Variants in SPATA13 observed in about 807,000 individuals in gnomAD.
SPATA13 encodes spermatogenesis-associated protein 13.
Under a neutral mutation model 104.0 loss-of-function variants are expected in SPATA13, and 50 were observed. The observed-to-expected ratio is 0.48, with a 90% confidence interval of 0.38 to 0.61. The LOEUF is 0.61. SPATA13 is among the 20% of genes least tolerant of loss of function. The pLI, the probability that SPATA13 is intolerant of heterozygous loss-of-function variation, is 0.00. For synonymous variants in SPATA13, 606 were observed against 667.5 expected (o/e 0.91, Z 1.42); for missense variants, 1,524 against 1,690.6 (o/e 0.90, Z 1.73).
chr13:24,217,299 ACTCT>A (rs1284844119), intron 1 of SPATA13, among the ~76,000 whole-genome samples: 1 of 151,962 alleles, frequency 6.6e-6, no homozygotes, highest in South Asian at 2.1e-4. Flanking sequence ...GGTTTTCAGC[ACTCT>A]CTCTCTTTTT....
At chr13:24,192,955 C>T (rs1224646864) in intron 1 of SPATA13, among the ~76,000 whole-genome samples, 3 of 152,264 alleles carry the variant, frequency 2.0e-5, no homozygotes, top group African/African-American at 7.2e-5. Flanking sequence ...CTGCTGTTCT[C>T]AAAACACCAA....
chr13:24,197,836 T>C (rs945911864), intron 1 of SPATA13, among the ~76,000 whole-genome samples: 4 of 152,126 alleles, frequency 2.6e-5, no homozygotes, highest in Non-Finnish European at 4.4e-5. Context: ...TAGACTTCCA[T>C]TGTGTTCCCT....
At chr13:24,041,079 C>A (rs1004507646) in intron 3 of SPATA13, among the ~76,000 whole-genome samples, 4 of 152,290 alleles carry the variant, frequency 2.6e-5, no homozygotes, top group African/African-American at 9.6e-5. Context: ...ACAATGCCTG[C>A]CTGTGCTCTT....
At chr13:24,115,555 C>T (rs1880806358) in intron 3 of SPATA13, among the ~76,000 whole-genome samples, 1 of 152,262 alleles carries the variant, frequency 6.6e-6, no homozygotes, top group South Asian at 2.1e-4. Context: ...GGAACAGTTT[C>T]ATCCCCAAAC....
At chr13:24,188,284 A>G (rs1869286332) in intron 1 of SPATA13, among the ~76,000 whole-genome samples, 1 of 151,970 alleles carries the variant, frequency 6.6e-6, no homozygotes, top group East Asian at 1.9e-4. Flanking sequence ...GTGAGTCGAG[A>G]TCATGTCACT....
At chr13:24,192,943 C>T (rs1462463753) in intron 1 of SPATA13, among the ~76,000 whole-genome samples, 1 of 152,168 alleles carries the variant, frequency 6.6e-6, no homozygotes, top group African/African-American at 2.4e-5. Context: ...TCTTTCCTCC[C>T]CCTGCTGTTC....
chr13:24,047,129 C>T (rs1878179710), intron 3 of SPATA13, among the ~76,000 whole-genome samples: 1 of 152,114 alleles, frequency 6.6e-6, no homozygotes, highest in Non-Finnish European at 1.5e-5. Context: ...GCGGGGTCCA[C>T]AGGACTAGTT....
chr13:24,084,434 C>T (rs1011497593), intron 3 of SPATA13, among the ~76,000 whole-genome samples: 75 of 152,300 alleles, frequency 4.9e-4, no homozygotes, highest in East Asian at 7.7e-4. Context: ...GTGTTCTGGA[C>T]GTGCGAGGTA....
chr13:24,025,257 TTTAAG>T (rs1439291429), intron 3 of SPATA13, among the ~76,000 whole-genome samples: 2 of 152,194 alleles, frequency 1.3e-5, no homozygotes, highest in African/African-American at 4.8e-5. Context: ...TAAATGCTTT[TTTAAG>T]TTAACCATGC....
chr13:24,046,858 ACTG>A (rs532501109), intron 3 of SPATA13, among the ~76,000 whole-genome samples: 80 of 152,114 alleles, frequency 5.3e-4, no homozygotes, highest in Non-Finnish European at 1.0e-3. Flanking sequence ...CTTCTTGACC[ACTG>A]CAGAGATAAA....
intron 3 of SPATA13, chr13:24,123,504 G>A: frequency 6.2e-7 from 1 of 1,609,678 alleles, no homozygotes; most frequent in South Asian, 1.1e-5. Context: ...CATATGCAGG[G>A]CTCCATCTTT....
chr13:24,296,748 A>G (rs181542341), intron 10 of SPATA13, among the ~76,000 whole-genome samples: 2 of 152,172 alleles, frequency 1.3e-5, no homozygotes, highest in East Asian at 1.9e-4. Context: ...CAGAGGCTTC[A>G]GGCTAGGAAG....
At chr13:24,182,346 G>A (rs1476811146) in intron 1 of SPATA13, among the ~76,000 whole-genome samples, 1 of 152,156 alleles carries the variant, frequency 6.6e-6, no homozygotes, top group East Asian at 1.9e-4. Context: ...AAAGAAAAGA[G>A]GTTAAATTGG....
intron 3 of SPATA13, among the ~76,000 whole-genome samples, chr13:24,106,727 C>T (rs1880466964): frequency 1.3e-5 from 2 of 152,170 alleles, no homozygotes; most frequent in Non-Finnish European, 2.9e-5. Flanking sequence ...AGGTGAGGGC[C>T]ATGTGCACTT....
chr13:24,258,322 T>G (rs1202615240), intron 4 of SPATA13, among the ~76,000 whole-genome samples: 1 of 148,968 alleles, frequency 6.7e-6, no homozygotes. Context: ...AAATTGGTCC[T>G]TGTTTATACC....
intron 2 of SPATA13, among the ~76,000 whole-genome samples, chr13:24,226,390 A>AT (rs1429171711): frequency 6.6e-6 from 1 of 152,178 alleles, no homozygotes; most frequent in Admixed American, 6.5e-5. Context: ...GTTTAAAGAG[A>AT]TTTTTATGAT....
intron 1 of SPATA13, among the ~76,000 whole-genome samples, chr13:24,201,930 G>A (rs551964285): frequency 1.3e-5 from 2 of 152,126 alleles, no homozygotes; most frequent in Admixed American, 6.5e-5. Context: ...TTTCCAGAAT[G>A]TCATGTAGTT....
At chr13:24,247,762 C>T (rs536570502) in intron 2 of SPATA13, among the ~76,000 whole-genome samples, 1 of 152,226 alleles carries the variant, frequency 6.6e-6, no homozygotes, top group Non-Finnish European at 1.5e-5. Context: ...GGATTACGGA[C>T]GTGAGCCACC....
intron 1 of SPATA13, among the ~76,000 whole-genome samples, chr13:24,164,607 C>T (rs9553204): frequency 0.86 from 130,658 of 152,154 alleles, 56,995 homozygotes; most frequent in East Asian, 0.99. Context: ...AGGAGCAAGT[C>T]AAGTTTCATT....
Sources: allele counts gnomAD v4.1 joint callset (sites outside exome capture counted in the v4.1 genomes callset), GRCh38; gene constraint gnomAD v4.1.1; transcripts MANE v1.5; gene names NCBI Gene and HGNC (gene_info 2026-07-23, HGNC 2026-07-21).